Variants in SYNE1 observed in about 807,000 individuals in gnomAD.
The protein encoded by SYNE1 is nesprin-1.
Under a neutral mutation model 1,111.0 loss-of-function variants are expected in SYNE1, and 616 were observed. The observed-to-expected ratio is 0.55, with a 90% CI of 0.52 to 0.59. The LOEUF (loss-of-function observed/expected upper bound fraction) is 0.59, where lower values mean the gene tolerates loss of function less well. Among genes scored for constraint, SYNE1 ranks in the 20% least tolerant of loss-of-function variants. The pLI is 0.00. For synonymous variants in SYNE1, 3,855 were observed against 3,825.8 expected (o/e 1.01, Z -0.28); for missense variants, 10,006 against 10,417.0 (o/e 0.96, Z 1.72).
At chr6:152,279,596 T>A (rs1303919171) in intron 97 of SYNE1, among the ~76,000 whole-genome samples, 1 of 151,616 alleles carries the variant, frequency 6.6e-6, no homozygotes, top group Non-Finnish European at 1.5e-5. Flanking sequence ...CACGTGCCTG[T>A]ACTCCCCGCA....
At chr6:152,415,731 A>G (rs1186330341) in intron 41 of SYNE1, among the ~76,000 whole-genome samples, 1 of 151,418 alleles carries the variant, frequency 6.6e-6, no homozygotes, top group Admixed American at 6.6e-5. Context: ...GGGAAATCCA[A>G]AGAAATTTTA....
At chr6:152,460,230 G>GT (rs1250972247) in intron 21 of SYNE1, among the ~76,000 whole-genome samples, 1 of 152,132 alleles carries the variant, frequency 6.6e-6, no homozygotes, top group South Asian at 2.1e-4. Context: ...TGGAAATGTT[G>GT]ACTTCAAATT....
rs755951581 is a variant in SYNE1, at chr6:152,352,338, T to A, written c.11269A>T (p.Met3757Leu). 2 of 1,614,130 alleles carry A rather than the reference T, an allele frequency of 1.2e-6. No individual in the cohort carries two copies. Among genetic ancestry groups the A allele is most frequent in the East Asian group, 4.5e-5 (2 of 44,874 alleles). ...TTCAGCAAACTGTGACCTTTCTCCATGTCTTTGAGCAAAACCTGAAAAAGA... is the reference window on the plus strand; with the variant it reads ...TTCAGCAAACTGTGACCTTTCTCCAAGTCTTTGAGCAAAACCTGAAAAAGA... ...LKTLEVLLKDMEKGHSLLKSA... is the reference protein window; with the variant it reads ...LKTLEVLLKDLEKGHSLLKSA... The change falls in exon 70 of 146, where the codon ATG becomes TTG. Residue 3757 changes from methionine to leucine, a missense_variant. Met to Leu is a conservative substitution (Grantham distance 15). Transcript: ENST00000367255.
At chr6:152,344,560 T>G (rs1410287874) in intron 73 of SYNE1, among the ~76,000 whole-genome samples, 1 of 152,238 alleles carries the variant, frequency 6.6e-6, no homozygotes, top group East Asian at 1.9e-4. Context: ...CAGAGGTTTT[T>G]GCAGCTTCTC....
chr6:152,298,417 G>T (rs888075716), intron 93 of SYNE1, among the ~76,000 whole-genome samples: 2 of 152,124 alleles, frequency 1.3e-5, no homozygotes, highest in Non-Finnish European at 2.9e-5. Context: ...CAAAATCTAG[G>T]AATGCCTCGG....
intron 49 of SYNE1, 29 bp from the exon 50 acceptor site, chr6:152,397,009 C>A: frequency 6.2e-7 from 1 of 1,604,670 alleles, no homozygotes. Context: ...GTAATAGGTC[C>A]ATGGGACTAT....
chr6:152,591,724 TC>T (rs1262062028), intron 3 of SYNE1, among the ~76,000 whole-genome samples: 2 of 152,026 alleles, frequency 1.3e-5, no homozygotes, highest in African/African-American at 2.4e-5. Flanking sequence ...CAAACAGGCA[TC>T]CTACAGAATA....
rs542548344 is a variant in SYNE1 at position 152,364,628 on chromosome 6, CAG to C, written c.10145+217_10145+218del. Reference sequence around the variant, plus strand: ...AAAAGAAAGAGGAATCAAGAGAAAACAGGGGGAAGGAAGGAAGAAAGGAAAGG... The same window carrying C: ...AAAAGAAAGAGGAATCAAGAGAAAACGGGGAAGGAAGGAAGAAAGGAAAGG... On this transcript the variant is annotated intron_variant, in intron 63 of 145. Transcript: ENST00000367255. 3.2e-3 allele frequency among the ~76,000 whole-genome samples: 439 copies of C among 137,220 alleles called. 2 individuals carry two copies. The highest frequency in any genetic ancestry group is 0.011 in the African/African-American group (401 of 36,186). The allele number at this position is 137,220 out of a possible 152,430, so 90.0% of individuals were successfully genotyped here. A position where few individuals can be genotyped will look rare whatever the true frequency, so the allele number is the denominator to read the frequency against.
At chr6:152,363,754 T>C (rs1364372383) in intron 63 of SYNE1, 3 of 455,202 alleles carry the variant, frequency 6.6e-6, no homozygotes, top group Non-Finnish European at 1.3e-5. Context: ...GAGGGCAATA[T>C]AGGCACAGGG....
chr6:152,374,110 G>C (rs980957862), intron 58 of SYNE1, among the ~76,000 whole-genome samples: 1 of 152,208 alleles, frequency 6.6e-6, no homozygotes, highest in African/African-American at 2.4e-5. Context: ...AATAACAAGA[G>C]AGTGTTTCAT....
chr6:152,152,221 C>A, intron 133 of SYNE1, 80 bp from the exon 134 acceptor site: 1 of 1,268,744 alleles, frequency 7.9e-7, no homozygotes, highest in Non-Finnish European at 1.1e-6. Context: ...CTTATTGTAG[C>A]GTCTGGGAGA....
At chr6:152,188,801 A>C (rs1367604065) in intron 128 of SYNE1, among the ~76,000 whole-genome samples, 2 of 150,988 alleles carry the variant, frequency 1.3e-5, no homozygotes, top group East Asian at 3.9e-4. Context: ...TACTAAAAAT[A>C]CAAAAAATTA....
At chr6:152,379,686 A>G (rs1464600531) in intron 56 of SYNE1, among the ~76,000 whole-genome samples, 1 of 152,224 alleles carries the variant, frequency 6.6e-6, no homozygotes, top group Non-Finnish European at 1.5e-5. Flanking sequence ...TTGACCCTGG[A>G]GTCAAATCTG....
At chr6:152,558,761 C>T (rs937031991) in intron 3 of SYNE1, among the ~76,000 whole-genome samples, 4 of 152,034 alleles carry the variant, frequency 2.6e-5, no homozygotes, top group South Asian at 4.1e-4. Context: ...CAGTACTTCA[C>T]GTTTGACAAT....
At chr6:152,531,110 A>G (rs559764530) in intron 4 of SYNE1, among the ~76,000 whole-genome samples, 12 of 152,314 alleles carry the variant, frequency 7.9e-5, no homozygotes, top group Middle Eastern at 3.4e-3. Flanking sequence ...TAATGACCAC[A>G]AAGTGCAAGT....
chr6:152,344,464 G>T (rs372015207), intron 73 of SYNE1, among the ~76,000 whole-genome samples: 1 of 152,150 alleles, frequency 6.6e-6, no homozygotes, highest in Admixed American at 6.5e-5. Flanking sequence ...CGGATTAGGG[G>T]AAGAGAACAT....
At chr6:152,539,938 A>G (rs752797465) in intron 4 of SYNE1, 22 bp downstream of exon 4, 2 of 1,613,466 alleles carry the variant, frequency 1.2e-6, no homozygotes, top group Admixed American at 3.3e-5. Context: ...GTAAACCTGT[A>G]ATGCTGGGTA....
At chr6:152,448,503 G>A (rs2098614109) in intron 28 of SYNE1, among the ~76,000 whole-genome samples, 1 of 152,162 alleles carries the variant, frequency 6.6e-6, no homozygotes, top group African/African-American at 2.4e-5. Context: ...TGCATACCAT[G>A]ATATTGAGCA....
In SYNE1 at chr6:152,143,556, C is replaced by T. The variant is rs375406100; in HGVS notation, c.25119+67G>A. The T allele has an allele frequency of 4.2e-4, 678 of 1,609,956 alleles. 1 individual carries two copies. The highest frequency in any genetic ancestry group is 2.4e-3 in the Middle Eastern group (13 of 5,342). On this transcript the variant is annotated intron_variant, in intron 138 of 145. Transcript: ENST00000367255. The stretch of plus-strand genomic sequence containing the variant: ...CCACATAAAGCCCTGATGCTGCAGA[C>T]GAACTGTTCTTTGACACAGAACTGT...
Sources: allele counts gnomAD v4.1 joint callset (sites outside exome capture counted in the v4.1 genomes callset), GRCh38; gene constraint gnomAD v4.1.1; transcripts MANE v1.5; gene names NCBI Gene and HGNC (gene_info 2026-07-23, HGNC 2026-07-21).